EEF1AKMT1: variants seen among roughly 807,000 people sequenced by gnomAD.
EEF1AKMT1 encodes the protein EEF1A lysine methyltransferase 1.
EEF1AKMT1 carries 18 observed loss-of-function variants against 21.0 expected under a neutral mutation model. That is an observed-to-expected ratio of 0.86 (90% CI 0.59 to 1.27). The LOEUF is 1.27. EEF1AKMT1 is among the 50% of genes most tolerant of loss of function. EEF1AKMT1 has a pLI of 0.00. For synonymous variants in EEF1AKMT1, 109 were observed against 94.8 expected (o/e 1.15, Z -0.87); for missense variants, 246 against 258.6 (o/e 0.95, Z 0.33).
At chr13:20,755,805 A>T (rs2058968669) in intron 2 of EEF1AKMT1, among the ~76,000 whole-genome samples, 1 of 152,248 alleles carries the variant, frequency 6.6e-6, no homozygotes. Flanking sequence ...AAGTTTCAAA[A>T]TTAGAAAAGG....
chr13:20,752,311 G>A (rs896942541), intron 2 of EEF1AKMT1, among the ~76,000 whole-genome samples: 1 of 152,150 alleles, frequency 6.6e-6, no homozygotes, highest in East Asian at 1.9e-4. Flanking sequence ...ATTATGATGA[G>A]GTATGTTCCT....
At chr13:20,738,125 A>G (rs2058836855) in intron 2 of EEF1AKMT1, among the ~76,000 whole-genome samples, 1 of 152,186 alleles carries the variant, frequency 6.6e-6, no homozygotes, top group Non-Finnish European at 1.5e-5. Flanking sequence ...TTTGCCAAAA[A>G]AATAAAATAG....
Position 20,764,880 on chromosome 13 carries a change from A to AACACACACACACACACACACAC in EEF1AKMT1, c.-19-7285_-19-7264dup, listed in dbSNP as rs34574835. On this transcript the variant is annotated intron_variant, in intron 1 of 4. Transcript: ENST00000382758. ...ATATTTTCCCCTTCCTTTCACTTTCAACACACACACACACACACACACACA... is the reference window on the plus strand; with the variant it reads ...ATATTTTCCCCTTCCTTTCACTTTCAACACACACACACACACACACACACACACACACACACACACACACACA... Among the ~76,000 whole-genome samples the AACACACACACACACACACACAC allele has an allele frequency of 4.3e-5, 6 of 139,902 alleles. No individual in the cohort carries two copies. In the East Asian group the frequency reaches 6.6e-4, roughly 15 times the overall value. 91.8% of individuals were successfully genotyped at this position (139,902 alleles called of 152,430 possible).
At chr13:20,743,853 C>G (rs913179168) in intron 2 of EEF1AKMT1, among the ~76,000 whole-genome samples, 1 of 151,984 alleles carries the variant, frequency 6.6e-6, no homozygotes. Context: ...CCCCCACCCC[C>G]TGACAGGCCC....
intron 1 of EEF1AKMT1, among the ~76,000 whole-genome samples, chr13:20,771,804 A>C (rs1034176864): frequency 1.3e-5 from 2 of 152,200 alleles, no homozygotes; most frequent in African/African-American, 4.8e-5. Flanking sequence ...TTAGGTAAAG[A>C]ATTCGGGATC....
At chr13:20,733,763 C>T (rs1249535782) in intron 3 of EEF1AKMT1, among the ~76,000 whole-genome samples, 1 of 152,154 alleles carries the variant, frequency 6.6e-6, no homozygotes, top group Non-Finnish European at 1.5e-5. Context: ...AAGAGAGTGA[C>T]CTTTTCTCAC....
intron 1 of EEF1AKMT1, among the ~76,000 whole-genome samples, chr13:20,758,747 C>T (rs2058984109): frequency 6.6e-6 from 1 of 152,070 alleles, no homozygotes; most frequent in Non-Finnish European, 1.5e-5. Flanking sequence ...AAGCTAGAAG[C>T]ATCCCACTAC....
chr13:20,739,278 A>T (rs1479300271), intron 2 of EEF1AKMT1, among the ~76,000 whole-genome samples: 1 of 152,194 alleles, frequency 6.6e-6, no homozygotes, highest in African/African-American at 2.4e-5. Flanking sequence ...CCAAACAGTG[A>T]GCAGCAGTAA....
At position 20,765,405 on chromosome 13, in the gene EEF1AKMT1, G is replaced by GTTTTTTTTTT. The variant is rs1171165259; in HGVS notation, c.-19-7798_-19-7789dup. ...ATTTGCTTTCTGTTTCTTCCCTTGG[G>GTTTTTTTTTT]TTTTTTTTTTTTTTTTTTTTTTTTT... On this transcript the variant is annotated intron_variant, in intron 1 of 4. Transcript: ENST00000382758. 3.9e-3 allele frequency among the ~76,000 whole-genome samples: 230 copies of GTTTTTTTTTT among 58,694 alleles called. 27 individuals are homozygous for GTTTTTTTTTT. Among genetic ancestry groups the GTTTTTTTTTT allele is most frequent in the East Asian group, 6.7e-3 (10 of 1,488 alleles). 38.5% of individuals were successfully genotyped at this position (58,694 alleles called of 152,430 possible).
intron 2 of EEF1AKMT1, among the ~76,000 whole-genome samples, chr13:20,742,910 G>A (rs1366604742): frequency 2.6e-5 from 4 of 151,872 alleles, no homozygotes; most frequent in African/African-American, 9.7e-5. Flanking sequence ...TTTTCTCCTC[G>A]TCTTTCTCTT....
rs73435269 is a variant in EEF1AKMT1, at chr13:20,729,005, C to T, written c.*75G>A. 11 of 1,585,866 alleles carry T rather than the reference C, an allele frequency of 6.9e-6. No homozygotes were observed. In the African/African-American group the frequency reaches 1.5e-4, roughly 21 times the overall value. On this transcript the variant is annotated 3_prime_UTR_variant, in exon 5 of 5. Transcript: ENST00000382758. ...TTGGGGGGAGGGGAAGAGATTATAA[C>T]TTTTAAATCTACTACGAAAATACAA...
intron 2 of EEF1AKMT1, chr13:20,757,111 C>T (rs1361913925): frequency 2.2e-5 from 4 of 178,626 alleles, no homozygotes; most frequent in East Asian, 1.4e-4. Flanking sequence ...CCAGCGTGGC[C>T]GAGCAAGGCC....
intron 4 of EEF1AKMT1, among the ~76,000 whole-genome samples, chr13:20,730,991 G>C (rs1036773278): frequency 8.5e-5 from 13 of 152,176 alleles, no homozygotes; most frequent in Admixed American, 8.5e-4. Flanking sequence ...AAGTCAGCGA[G>C]ACCACGAACC....
chr13:20,768,052 A>G (rs981920498), intron 1 of EEF1AKMT1, among the ~76,000 whole-genome samples: 2 of 152,126 alleles, frequency 1.3e-5, no homozygotes, highest in East Asian at 3.9e-4. Flanking sequence ...CAGGATATAA[A>G]TTTATTTTAG....
chr13:20,769,421 A>G (rs888473323), intron 1 of EEF1AKMT1: 3 of 152,222 alleles, frequency 2.0e-5, no homozygotes, highest in African/African-American at 4.8e-5. Context: ...GACCTCCAGC[A>G]GATTTAAAGG....
intron 2 of EEF1AKMT1, among the ~76,000 whole-genome samples, chr13:20,745,763 G>T (rs35697169): frequency 0.042 from 6,338 of 152,146 alleles, 309 homozygotes; most frequent in African/African-American, 0.11. Context: ...GCAGAGAACT[G>T]CTTGAACCTG....
intron 2 of EEF1AKMT1, among the ~76,000 whole-genome samples, chr13:20,739,843 C>G (rs970576187): frequency 6.6e-6 from 1 of 152,272 alleles, no homozygotes; most frequent in African/African-American, 2.4e-5. Context: ...AAGTCCCCAC[C>G]TGACTCAGGA....
chr13:20,763,609 AC>A (rs1455274670), intron 1 of EEF1AKMT1, among the ~76,000 whole-genome samples: 3 of 151,798 alleles, frequency 2.0e-5, no homozygotes, highest in Non-Finnish European at 4.4e-5. Flanking sequence ...CCTACCACCC[AC>A]CCTGGCTAAT....
intron 3 of EEF1AKMT1, among the ~76,000 whole-genome samples, chr13:20,737,183 G>C (rs2141414287): frequency 6.6e-6 from 1 of 152,090 alleles, no homozygotes; most frequent in East Asian, 2.0e-4. Flanking sequence ...GGTTAATATG[G>C]TGAAATCCCA....
Sources: allele counts gnomAD v4.1 joint callset (sites outside exome capture counted in the v4.1 genomes callset), GRCh38; gene constraint gnomAD v4.1.1; transcripts MANE v1.5; gene names NCBI Gene and HGNC (gene_info 2026-07-23, HGNC 2026-07-21).